PCDHGB1: variants seen among roughly 807,000 people sequenced by gnomAD.
The protein encoded by PCDHGB1 is protocadherin gamma-B1.
A neutral mutation model predicts 56.6 loss-of-function variants in PCDHGB1; 34 were observed. The observed-to-expected ratio is 0.60, with a 90% CI of 0.46 to 0.80. PCDHGB1 has a LOEUF of 0.80. Ranked by LOEUF, PCDHGB1 falls within the 30% of genes least tolerant of loss-of-function variation. The probability of loss-of-function intolerance (pLI) is 0.00; values close to 1 mark genes in which losing one functional copy is unlikely to be tolerated. For synonymous variants in PCDHGB1, 561 were observed against 505.9 expected, an observed-to-expected ratio of 1.11 and a Z score of -1.46; for missense variants, 1,278 against 1,204.6, an observed-to-expected ratio of 1.06 and a Z score of -0.90.
At chr5:141,399,402 G>T (rs2093800599) in intron 1 of PCDHGB1, 2 of 1,613,898 alleles carry the variant, frequency 1.2e-6, no homozygotes, top group Non-Finnish European at 1.7e-6. Context: ...ACAGGGGCAA[G>T]CCGCCCCTCT....
chr5:141,390,111 G>C (rs2092051894), intron 1 of PCDHGB1: 5 of 1,614,054 alleles, frequency 3.1e-6, no homozygotes, highest in Non-Finnish European at 4.2e-6. Flanking sequence ...CAACTACAGC[G>C]AGGGGACTTT....
intron 1 of PCDHGB1, chr5:141,403,197 G>T: frequency 6.2e-7 from 1 of 1,613,986 alleles, no homozygotes; most frequent in Non-Finnish European, 8.5e-7. Flanking sequence ...CCGCGCAGCG[G>T]CACCTTGGTC....
At position 141,393,204 on chromosome 5, in the gene PCDHGB1, C is replaced by G. The variant is rs373432896; in HGVS notation, c.2409+40535C>G. On this transcript the variant is annotated intron_variant, in intron 1 of 3. Transcript: ENST00000523390. ...AATAATTGATATTAACGATAATAAC[C>G]CAAAATTCCAGGTCGAAGATCTAGA... 7 of 1,613,342 alleles carry G rather than the reference C, an allele frequency of 4.3e-6. No homozygotes were observed. In the East Asian group the frequency reaches 1.6e-4, roughly 36 times the overall value.
chr5:141,476,357 C>G lies in PCDHGB1; in HGVS notation c.2410-18450C>G. On this transcript the variant is annotated intron_variant, in intron 1 of 3. Transcript: ENST00000523390. The surrounding 1 kb of genome is among the most constrained non-coding windows in gnomAD (Gnocchi z 7.6). ...TAGCCGAAGATTCTTTGAGGTGAAC[C>G]GGGAGACCGGAGAGATGTTTGTGAA... The G allele has an allele frequency of 6.2e-7, 1 of 1,614,052 alleles. No individual in the cohort carries two copies. Among genetic ancestry groups the G allele is most frequent in the South Asian group, 1.1e-5 (1 of 91,078 alleles).
In PCDHGB1 at chr5:141,490,498, T is replaced by C. The variant is rs544031284; in HGVS notation, c.2410-4309T>C. On this transcript the variant is annotated intron_variant, in intron 1 of 3. Coordinates refer to ENST00000523390, the MANE Select transcript of PCDHGB1 (RefSeq NM_018922.3). This position sits in a 1 kb window ranked among gnomAD's most constrained non-coding sequence, Gnocchi z 5.4. ...TTTGGACCGGGAGGCCACATCCCAC[T>C]ATATCATCGAGCTGCTGGCCAGCGA... 1.2e-6 allele frequency: 2 copies of C among 1,614,132 alleles called. No individual in the cohort carries two copies. Among genetic ancestry groups the C allele is most frequent in the African/African-American group, 1.3e-5 (1 of 75,038 alleles).
chr5:141,455,477 C>A (rs557286491), intron 1 of PCDHGB1, among the ~76,000 whole-genome samples: 15 of 152,252 alleles, frequency 9.9e-5, no homozygotes, highest in African/African-American at 2.9e-4. Flanking sequence ...TATGCAGAGG[C>A]TGGTGGAGGT....
intron 1 of PCDHGB1, chr5:141,417,840 A>G (rs2096168680): frequency 2.0e-6 from 3 of 1,536,422 alleles, no homozygotes; most frequent in African/African-American, 2.8e-5. Context: ...GCGGGGACCC[A>G]GCGAGAACCC....
At position 141,371,633 on chromosome 5, in the gene PCDHGB1, G is replaced by A. The variant is rs771305412; in HGVS notation, c.2409+18964G>A. 7 of 1,614,040 alleles carry A rather than the reference G, an allele frequency of 4.3e-6. No homozygotes were observed. In the Admixed American group the frequency reaches 1.2e-4, roughly 27 times the overall value. ...TGACAGATGGAGCCCTGGACCGGGAGCAGATCCCAGAATACAATGTGACGA... is the reference window on the plus strand; with the variant it reads ...TGACAGATGGAGCCCTGGACCGGGAACAGATCCCAGAATACAATGTGACGA... On this transcript the variant is annotated intron_variant, in intron 1 of 3. Coordinates refer to ENST00000523390, the MANE Select transcript of PCDHGB1 (RefSeq NM_018922.3).
chr5:141,419,769 C>T (rs773303779), intron 1 of PCDHGB1: 6 of 1,613,888 alleles, frequency 3.7e-6, no homozygotes, highest in Non-Finnish European at 4.2e-6. Context: ...GACAAGGACT[C>T]GGTCCGCCAG....
chr5:141,507,495 G>A (rs375483743), intron 3 of PCDHGB1, among the ~76,000 whole-genome samples: 5 of 152,352 alleles, frequency 3.3e-5, no homozygotes, highest in East Asian at 3.9e-4. Flanking sequence ...AGGCAGAGCT[G>A]TCCCAGGTCT....
chr5:141,448,044 C>T (rs2098559539), intron 1 of PCDHGB1, among the ~76,000 whole-genome samples: 1 of 151,942 alleles, frequency 6.6e-6, no homozygotes, highest in African/African-American at 2.4e-5. Context: ...CAAGATCATG[C>T]CATTGCTCTC....
chr5:141,383,098 A>T, intron 1 of PCDHGB1: 2 of 1,613,954 alleles, frequency 1.2e-6, no homozygotes, highest in Non-Finnish European at 1.7e-6. Context: ...AGTCCGCATC[A>T]TCTCCAGAGG....
intron 1 of PCDHGB1, among the ~76,000 whole-genome samples, chr5:141,449,030 G>C (rs2098623784): frequency 6.6e-6 from 1 of 152,012 alleles, no homozygotes; most frequent in Non-Finnish European, 1.5e-5. Context: ...GCATTCCTTT[G>C]GATTATTAAC....
intron 2 of PCDHGB1, among the ~76,000 whole-genome samples, chr5:141,498,009 C>T (rs1160103624): frequency 6.6e-6 from 1 of 152,146 alleles, no homozygotes; most frequent in African/African-American, 2.4e-5. Context: ...TTACAGTGCA[C>T]TGAAGGAGAC....
chr5:141,494,643 AG>A, intron 1 of PCDHGB1, 163 bp from the exon 2 acceptor site: 1 of 928,048 alleles, frequency 1.1e-6, no homozygotes, highest in Non-Finnish European at 1.3e-6. Flanking sequence ...CTGAGACCTG[AG>A]GTGTATTTTG....
chr5:141,436,600 G>C (rs1054182433), intron 1 of PCDHGB1, among the ~76,000 whole-genome samples: 2 of 152,154 alleles, frequency 1.3e-5, no homozygotes, highest in African/African-American at 2.4e-5. Context: ...CGTGGTGATG[G>C]CTAGGGCTAA....
chr5:141,498,786 A>T (rs2099785591), intron 2 of PCDHGB1, among the ~76,000 whole-genome samples: 1 of 152,050 alleles, frequency 6.6e-6, no homozygotes, highest in East Asian at 1.9e-4. Context: ...ACAAAATATT[A>T]GCCAGGTGTG....
intron 1 of PCDHGB1, among the ~76,000 whole-genome samples, chr5:141,483,373 G>A (rs1410856257): frequency 6.6e-6 from 1 of 152,166 alleles, no homozygotes; most frequent in Admixed American, 6.5e-5. Flanking sequence ...TGCAATATTT[G>A]AAGAGAAGAT....
At chr5:141,393,224 T>C in intron 1 of PCDHGB1, 1 of 1,613,670 alleles carries the variant, frequency 6.2e-7, no homozygotes, top group South Asian at 1.1e-5. Flanking sequence ...AGGTCGAAGA[T>C]CTAGAAGTAA....
Sources: gnomAD v4.1 joint callset for allele counts (sites outside exome capture counted in the v4.1 genomes callset) on GRCh38, gnomAD v4.1.1 for gene constraint, Gnocchi (gnomAD v3.1) non-coding constraint, MANE v1.5 for transcripts, NCBI Gene and HGNC (gene_info 2026-07-23, HGNC 2026-07-21) for gene names.